ANKRD28: variants seen among roughly 807,000 people sequenced by gnomAD.
ANKRD28 encodes the protein ankyrin repeat domain 28.
ANKRD28 carries 44 observed loss-of-function variants against 126.5 expected under a neutral mutation model. That is an observed-to-expected ratio of 0.35 (90% CI 0.27 to 0.45). The LOEUF is 0.45. Ranked by LOEUF, ANKRD28 falls within the 20% of genes least tolerant of loss-of-function variation. The pLI is 1.00. For missense variants in ANKRD28, 1,110 were observed against 1,316.6 expected (o/e 0.84, Z 2.43); for synonymous variants, 442 against 468.5 (o/e 0.94, Z 0.73).
intron 27 of ANKRD28, among the ~76,000 whole-genome samples, chr3:15,671,953 A>AT (rs1046984794): frequency 6.6e-6 from 1 of 152,038 alleles, no homozygotes; most frequent in Non-Finnish European, 1.5e-5. Context: ...CATATCTGGC[A>AT]TTTTTGTGTA....
chr3:15,722,852 G>C (rs1397197254), intron 7 of ANKRD28, among the ~76,000 whole-genome samples: 1 of 151,806 alleles, frequency 6.6e-6, no homozygotes, highest in African/African-American at 2.4e-5. Context: ...CCTTGATTTA[G>C]AACTTCCATA....
At chr3:15,730,279 A>C (rs2074486358) in intron 6 of ANKRD28, among the ~76,000 whole-genome samples, 1 of 152,238 alleles carries the variant, frequency 6.6e-6, no homozygotes, top group Non-Finnish European at 1.5e-5. Flanking sequence ...GAATGTGTAA[A>C]GGGACCTTGA....
intron 1 of ANKRD28, among the ~76,000 whole-genome samples, chr3:15,836,804 T>C (rs1211777738): frequency 6.6e-6 from 1 of 151,932 alleles, no homozygotes; most frequent in Admixed American, 6.6e-5. Context: ...AGGCCAGGCG[T>C]GGTGGCTCAC....
intron 17 of ANKRD28, 35 bp from the exon 18 acceptor site, chr3:15,690,255 C>A: frequency 6.8e-7 from 1 of 1,471,002 alleles, no homozygotes; most frequent in Non-Finnish European, 9.2e-7. Flanking sequence ...TTAAAACATA[C>A]ATATTTAGAC....
chr3:15,855,098 G>C (rs1259358389), intron 1 of ANKRD28, among the ~76,000 whole-genome samples: 1 of 152,060 alleles, frequency 6.6e-6, no homozygotes, highest in Non-Finnish European at 1.5e-5. Context: ...CTCCTACATA[G>C]AGTACCTGAA....
intron 2 of ANKRD28, among the ~76,000 whole-genome samples, chr3:15,786,839 C>T (rs1260564755): frequency 6.6e-6 from 1 of 151,910 alleles, no homozygotes; most frequent in African/African-American, 2.4e-5. Context: ...CAGTATTTAC[C>T]GTCCACCAAT....
intron 1 of ANKRD28, among the ~76,000 whole-genome samples, chr3:15,856,098 T>A (rs1005361872): frequency 6.6e-6 from 1 of 152,176 alleles, no homozygotes; most frequent in Non-Finnish European, 1.5e-5. Context: ...AACCAAAGCA[T>A]TAATTGTTGT....
At chr3:15,851,757 T>C (rs1312070404) in intron 1 of ANKRD28, among the ~76,000 whole-genome samples, 2 of 151,984 alleles carry the variant, frequency 1.3e-5, no homozygotes, top group African/African-American at 4.8e-5. Flanking sequence ...AAATACAGAG[T>C]TACCATACTA....
chr3:15,765,820 C>T (rs1464349930), intron 3 of ANKRD28, among the ~76,000 whole-genome samples: 12 of 143,480 alleles, frequency 8.4e-5, no homozygotes, highest in East Asian at 4.1e-4. Context: ...GGCAACAGAG[C>T]GAGACTCCAT....
chr3:15,776,366 CAA>C (rs1469774942), intron 2 of ANKRD28, among the ~76,000 whole-genome samples: 2 of 152,124 alleles, frequency 1.3e-5, no homozygotes, highest in Non-Finnish European at 2.9e-5. Flanking sequence ...AAATGTGAAA[CAA>C]CCCAATTATC....
chr3:15,734,516 A>G (rs113568334), intron 6 of ANKRD28, among the ~76,000 whole-genome samples: 2,934 of 152,294 alleles, frequency 0.019, 98 homozygotes, highest in African/African-American at 0.066. Flanking sequence ...AACCTCTGGC[A>G]GGAAGAAAAA....
chr3:15,740,810 T>C (rs1024151117), intron 4 of ANKRD28, among the ~76,000 whole-genome samples: 1 of 152,124 alleles, frequency 6.6e-6, no homozygotes, highest in Non-Finnish European at 1.5e-5. Context: ...AGTGGGCACC[T>C]AAATAAGACA....
At chr3:15,754,891 C>T (rs926659434) in intron 3 of ANKRD28, among the ~76,000 whole-genome samples, 4 of 151,972 alleles carry the variant, frequency 2.6e-5, no homozygotes, top group African/African-American at 4.8e-5. Flanking sequence ...CCAAGGCGGG[C>T]AAATCACCTG....
chr3:15,840,299 G>C (rs1051613658), intron 1 of ANKRD28, among the ~76,000 whole-genome samples: 5 of 151,974 alleles, frequency 3.3e-5, no homozygotes, highest in Non-Finnish European at 5.9e-5. Context: ...ATTTATAACA[G>C]CTACAAATAA....
intron 6 of ANKRD28, among the ~76,000 whole-genome samples, chr3:15,729,201 T>C (rs936966527): frequency 5.3e-5 from 8 of 152,312 alleles, no homozygotes; most frequent in African/African-American, 7.2e-5. Context: ...GGACCACTAT[T>C]CTCCTTTCAT....
chr3:15,762,656 T>C (rs1161025261), intron 3 of ANKRD28, among the ~76,000 whole-genome samples: 2 of 152,142 alleles, frequency 1.3e-5, no homozygotes, highest in Non-Finnish European at 2.9e-5. Context: ...CAGCGGAGAA[T>C]TTTTAAGAAA....
At position 15,720,964 on chromosome 3, in the gene ANKRD28, G is replaced by T; in HGVS notation, c.947C>A (p.Ala316Glu). 1.2e-6 allele frequency: 2 copies of T among 1,613,808 alleles called. No homozygotes were observed. Among genetic ancestry groups the T allele is most frequent in the Non-Finnish European group, 1.7e-6 (2 of 1,179,820 alleles). The change falls in exon 8 of 28, where the codon GCA (alanine) becomes GAA (glutamate). Residue 316 changes from alanine (A) to glutamate (E), a missense_variant. Physicochemically the swap from Ala to Glu is moderately radical, Grantham distance 107. Transcript: ENST00000683139. Reference sequence around the variant, plus strand: ...GCCAACTAGAAGCTCTAAACACAATGCTCCATGTGTTGATGCAGCAGCAAA... The same window carrying T: ...GCCAACTAGAAGCTCTAAACACAATTCTCCATGTGTTGATGCAGCAGCAAA... ...LHFAAASTHG[A>E]LCLELLVGNG... is the part of the protein sequence containing the mutation.
intron 8 of ANKRD28, among the ~76,000 whole-genome samples, chr3:15,715,581 G>T (rs1021338166): frequency 6.6e-6 from 1 of 152,192 alleles, no homozygotes; most frequent in Non-Finnish European, 1.5e-5. Context: ...GAGAAAGGAA[G>T]GGGAGGAGGA....
At chr3:15,825,876 C>T (rs2061054702) in intron 1 of ANKRD28, among the ~76,000 whole-genome samples, 1 of 151,986 alleles carries the variant, frequency 6.6e-6, no homozygotes. Context: ...CCAGGAAACA[C>T]AAATTAAAAC....
Sources: gnomAD v4.1 joint callset for allele counts (sites outside exome capture counted in the v4.1 genomes callset) on GRCh38, gnomAD v4.1.1 for gene constraint, MANE v1.5 for transcripts, NCBI Gene and HGNC (gene_info 2026-07-23, HGNC 2026-07-21) for gene names.